Variants in ZNF215 observed in about 807,000 individuals in gnomAD.
ZNF215 encodes the protein zinc finger protein 215, also known as BWSCR2-associated zinc finger protein 2.
In ZNF215, 24 loss-of-function variants were observed where a neutral mutation model predicts 27.2. That is an observed-to-expected ratio of 0.88 (90% CI 0.64 to 1.24). The LOEUF is 1.24. Ranked by LOEUF, ZNF215 falls within the 50% of genes most tolerant of loss-of-function variation. The pLI is 0.00. For missense variants in ZNF215, 675 were observed against 605.7 expected (o/e 1.11, Z -1.20); for synonymous variants, 210 against 204.0 (o/e 1.03, Z -0.25).
intron 6 of ZNF215, among the ~76,000 whole-genome samples, chr11:6,947,292 CTA>C (rs1364824379): frequency 6.6e-6 from 1 of 152,128 alleles, no homozygotes; most frequent in Non-Finnish European, 1.5e-5. Flanking sequence ...ACCACAAAAT[CTA>C]TGTCATAGTC....
chr11:6,969,317 A>G (rs145779117), intron 5 of ZNF215, among the ~76,000 whole-genome samples: 1 of 152,186 alleles, frequency 6.6e-6, no homozygotes, highest in Non-Finnish European at 1.5e-5. Flanking sequence ...TCCTGTATCA[A>G]ATTTTCTCCA....
At chr11:6,961,378 G>A (rs181998940), downstream of ZNF215, among the ~76,000 whole-genome samples, 4 of 152,202 alleles carry the variant, frequency 2.6e-5, no homozygotes. Context: ...GTAAGGTGTA[G>A]TCAAGAATAT....
intron 6 of ZNF215, among the ~76,000 whole-genome samples, chr11:6,949,269 T>G (rs1849952625): frequency 2.0e-5 from 3 of 152,298 alleles, no homozygotes; most frequent in Middle Eastern, 6.8e-3. Flanking sequence ...TTCCCAGTAA[T>G]GGGATGGCTG....
chr11:6,972,840 T>C (rs959140689), intron 5 of ZNF215, among the ~76,000 whole-genome samples: 2 of 152,196 alleles, frequency 1.3e-5, no homozygotes, highest in Admixed American at 6.6e-5. Context: ...AAAGAGCTGA[T>C]CTGTCGAGAA....
Position 6,956,783 on chromosome 11 carries a change from G to C in ZNF215, c.*252G>C. ...CCACAGTATCACCATACAAGTATTT[G>C]TTTATCATTATTTTGATATCCATTA... is the stretch of plus-strand genomic sequence containing the variant. On this transcript the variant is annotated 3_prime_UTR_variant, in exon 7 of 7. Transcript: ENST00000278319. 1 of 1,240,706 alleles carries C rather than the reference G, an allele frequency of 8.1e-7. No individual in the cohort carries two copies. The highest frequency in any genetic ancestry group is 1.0e-6 in the Non-Finnish European group (1 of 992,328). The allele number at this position is 1,240,706 out of a possible 1,614,324, so 76.9% of individuals were successfully genotyped here.
Position 6,932,150 on chromosome 11 carries a change from T to TA in ZNF215, c.-122dup. ...CTAAAGTTTCTGGAACTTTCCTCCT[T>TA]ACCGTGAAATAACTTGGCTTAAATC... On this transcript the variant is annotated 5_prime_UTR_variant, in exon 3 of 7. Transcript: ENST00000278319. 1 of 1,255,372 alleles carries TA rather than the reference T, an allele frequency of 8.0e-7. No homozygotes were observed. Among genetic ancestry groups the TA allele is most frequent in the Non-Finnish European group, 1.1e-6 (1 of 918,544 alleles). The allele number at this position is 1,255,372 out of a possible 1,614,324, so 77.8% of individuals were successfully genotyped here.
At chr11:6,993,951 C>G (rs1223320433) in intron 6 of ZNF215, among the ~76,000 whole-genome samples, 1 of 152,088 alleles carries the variant, frequency 6.6e-6, no homozygotes, top group Non-Finnish European at 1.5e-5. Context: ...TAAAAAGCAT[C>G]CTTTCACAAT....
chr11:6,953,994 G>A (rs973981581), intron 6 of ZNF215, among the ~76,000 whole-genome samples: 2 of 152,194 alleles, frequency 1.3e-5, no homozygotes, highest in African/African-American at 4.8e-5. Context: ...GTTTGCTAGA[G>A]GTCCACTCCA....
intron 5 of ZNF215, among the ~76,000 whole-genome samples, chr11:6,979,655 G>A (rs1417877895): frequency 6.6e-6 from 1 of 152,052 alleles, no homozygotes; most frequent in Non-Finnish European, 1.5e-5. Flanking sequence ...CTAAGGAGGA[G>A]AAGTAACTTG....
chr11:6,953,765 C>G (rs1850194371), intron 6 of ZNF215, among the ~76,000 whole-genome samples: 1 of 152,172 alleles, frequency 6.6e-6, no homozygotes, highest in Non-Finnish European at 1.5e-5. Flanking sequence ...CGGCTTTGTT[C>G]CGTTGCTTGT....
chr11:6,943,755 A>C, intron 6 of ZNF215, 114 bp downstream of exon 6: 1 of 812,726 alleles, frequency 1.2e-6, no homozygotes, highest in East Asian at 2.5e-5. Context: ...GCAAAACCTA[A>C]ACTTTGAGGG....
At chr11:6,938,232 G>C (rs1189728739) in intron 3 of ZNF215, among the ~76,000 whole-genome samples, 2 of 151,922 alleles carry the variant, frequency 1.3e-5, no homozygotes, top group Non-Finnish European at 2.9e-5. Flanking sequence ...AAAAAGTATA[G>C]GAATAAATGT....
chr11:6,982,670 C>T (rs1254195579), intron 5 of ZNF215, among the ~76,000 whole-genome samples: 5 of 151,796 alleles, frequency 3.3e-5, no homozygotes, highest in South Asian at 4.2e-4. Flanking sequence ...GGGTACATAA[C>T]GAAATGAAGG....
Position 6,955,808 on chromosome 11 carries a change from G to T in ZNF215, c.831G>T (p.Gln277His). 6.2e-7 allele frequency: 1 copy of T among 1,613,628 alleles called. No individual in the cohort carries two copies. The highest frequency in any genetic ancestry group is 2.2e-5 in the East Asian group (1 of 44,860). Residue 277 changes from glutamine to histidine, a missense_variant, in exon 7 of 7, where the codon CAG becomes CAT. Gln to His is a conservative substitution (Grantham distance 24). Transcript: ENST00000278319. Reference protein sequence around the residue: ...WKGENWLYRNQKKWDINLPQE... With the variant: ...WKGENWLYRNHKKWDINLPQE... ...GTGAGAATTGGTTATATAGGAACCA[G>T]AAAAAATGGGACATAAATTTGCCAC...
At chr11:6,969,380 G>A (rs745507944) in intron 5 of ZNF215, among the ~76,000 whole-genome samples, 12 of 151,930 alleles carry the variant, frequency 7.9e-5, no homozygotes, top group Non-Finnish European at 1.8e-4. Flanking sequence ...CATTTTTCCT[G>A]ATTATCTTAA....
intron 6 of ZNF215, among the ~76,000 whole-genome samples, chr11:6,944,717 CTTTG>C (rs1189857372): frequency 2.6e-5 from 4 of 151,776 alleles, no homozygotes; most frequent in African/African-American, 4.8e-5. Context: ...AAGCCATTTT[CTTTG>C]TTTGTAATGT....
At chr11:6,983,814 A>T (rs1380175130) in intron 5 of ZNF215, among the ~76,000 whole-genome samples, 4 of 152,162 alleles carry the variant, frequency 2.6e-5, no homozygotes, top group African/African-American at 9.6e-5. Context: ...AGCTGATAAA[A>T]ACAAGGAAAA....
chr11:6,961,927 C>G (rs778401075), downstream of ZNF215, among the ~76,000 whole-genome samples: 17 of 152,252 alleles, frequency 1.1e-4, no homozygotes, highest in Non-Finnish European at 1.6e-4. Context: ...AAGGTTATCC[C>G]TGTGCTTTTC....
rs1356955813 is a variant in ZNF215 at position 6,956,153 on chromosome 11, A to T, written c.1176A>T (p.Ser392=). 2.5e-6 allele frequency: 4 copies of T among 1,613,826 alleles called. No homozygotes were observed. Among genetic ancestry groups the T allele is most frequent in the Non-Finnish European group, 8.5e-7 (1 of 1,179,994 alleles). ...GTGGGAAAGCCTTCTGCCGAAGTTC[A>T]TCCCTTATTCGACATCAGATCATTC... ...YQCGKAFCRS[S]SLIRHQIIHT... Residue 392 remains serine (S), a synonymous_variant, in exon 7 of 7, where the codon TCA becomes TCT. Transcript: ENST00000278319.
Sources: gnomAD v4.1 joint callset for allele counts (sites outside exome capture counted in the v4.1 genomes callset) on GRCh38, gnomAD v4.1.1 for gene constraint, MANE v1.5 for transcripts, NCBI Gene and HGNC (gene_info 2026-07-23, HGNC 2026-07-21) for gene names.